Variants in ADGRA2 observed in about 807,000 individuals in gnomAD.
The protein encoded by ADGRA2 is G-protein coupled receptor 124.
Under a neutral mutation model 98.7 loss-of-function variants are expected in ADGRA2, and 61 were observed. The observed-to-expected ratio is 0.62, with a 90% confidence interval of 0.50 to 0.76. The LOEUF (loss-of-function observed/expected upper bound fraction) is 0.76, where lower values mean the gene tolerates loss of function less well. ADGRA2 is among the 30% of genes least tolerant of loss of function. ADGRA2 has a pLI of 0.00. For synonymous variants in ADGRA2, 858 were observed against 831.5 expected, an observed-to-expected ratio of 1.03 and a Z score of -0.55; for missense variants, 1,712 against 1,860.0, an observed-to-expected ratio of 0.92 and a Z score of 1.46.
Position 37,844,373 on chromosome 8 carries a change from G to T in ADGRA2, c.*2018G>T. ...TCCAACTAATGGCAGAGCCCCTCTT[G>T]GTTCCTTCAAACAAGAAAAGCAATA... On this transcript the variant is annotated 3_prime_UTR_variant, in exon 19 of 19. Coordinates refer to ENST00000412232, the MANE Select transcript of ADGRA2 (RefSeq NM_032777.10). The T allele has an allele frequency of 1.5e-6, 2 of 1,377,924 alleles. No individual in the cohort carries two copies. The highest frequency in any genetic ancestry group is 2.0e-6 in the Non-Finnish European group (2 of 1,003,392). The allele number at this position is 1,377,924 out of a possible 1,614,324, so 85.4% of individuals were successfully genotyped here. A position where few individuals can be genotyped will look rare whatever the true frequency, so the allele number is the denominator to read the frequency against.
intron 1 of ADGRA2, among the ~76,000 whole-genome samples, chr8:37,809,105 G>T (rs1258042534): frequency 6.6e-6 from 1 of 152,146 alleles, no homozygotes; most frequent in South Asian, 2.1e-4. Context: ...TTATAGGCAT[G>T]AGCCACCGCA....
Position 37,841,417 on chromosome 8 carries a change from T to C in ADGRA2, c.3079T>C (p.Phe1027Leu). ...VQLGALVTTHFLYLAMWACGA... is the reference protein window; with the variant it reads ...VQLGALVTTHLLYLAMWACGA... ...GCTAGGGGCGCTGGTGACCACGCACTTCCTGTACTTGGCCATGTGGGCCTG... is the reference window on the plus strand; with the variant it reads ...GCTAGGGGCGCTGGTGACCACGCACCTCCTGTACTTGGCCATGTGGGCCTG... Residue 1027 changes from phenylalanine to leucine, a missense_variant, in exon 19 of 19, where the codon TTC becomes CTC. Transcript: ENST00000412232. The surrounding 1 kb of genome is among the most constrained non-coding windows in gnomAD (Gnocchi z 5.0). The C allele has an allele frequency of 6.2e-7, 1 of 1,613,034 alleles. No homozygotes were observed. The highest frequency in any genetic ancestry group is 1.1e-5 in the South Asian group (1 of 90,988).
In ADGRA2 at chr8:37,831,511, G is replaced by A. The variant is rs780413544; in HGVS notation, c.1021G>A (p.Val341Met). Residue 341 changes from valine (V) to methionine (M), a missense_variant, in exon 8 of 19, where the codon GTG becomes ATG. Physicochemically the swap from Val to Met is conservative, Grantham distance 21. Transcript: ENST00000412232. ...SMAQGNASKK[V>M]EIVVLETSAS... ...GGCCCAAGGCAACGCCAGCAAGAAGGTGGAGATCGTGGTGCTGGAGACCTC... is the reference window on the plus strand; with the variant it reads ...GGCCCAAGGCAACGCCAGCAAGAAGATGGAGATCGTGGTGCTGGAGACCTC... The A allele has an allele frequency of 3.5e-5, 57 of 1,613,812 alleles. No homozygotes were observed. The highest frequency in any genetic ancestry group is 4.6e-5 in the Non-Finnish European group (54 of 1,180,030).
At chr8:37,833,926 A>G in intron 10 of ADGRA2, 41 bp from the exon 11 acceptor site, 1 of 1,606,044 alleles carries the variant, frequency 6.2e-7, no homozygotes. Context: ...CCTGGGTCCC[A>G]AACCCCGCCC....
intron 1 of ADGRA2, among the ~76,000 whole-genome samples, chr8:37,804,134 C>CACACACACACACAT (rs1563337101): frequency 6.6e-6 from 1 of 151,072 alleles, no homozygotes; most frequent in African/African-American, 2.4e-5. Flanking sequence ...CACACACACA[C>CACACACACACACAT]ACACACACAC....
intron 1 of ADGRA2, among the ~76,000 whole-genome samples, chr8:37,806,750 G>A (rs554961717): frequency 2.0e-5 from 3 of 151,868 alleles, no homozygotes; most frequent in East Asian, 1.9e-4. Flanking sequence ...GGCTGGTCTC[G>A]AACTCCTGAC....
intron 1 of ADGRA2, among the ~76,000 whole-genome samples, chr8:37,806,385 C>A (rs1326729147): frequency 6.6e-6 from 1 of 152,064 alleles, no homozygotes; most frequent in Non-Finnish European, 1.5e-5. Flanking sequence ...GATGCTGTGA[C>A]CCCCAAATCC....
Position 37,842,291 on chromosome 8 carries a change from G to T in ADGRA2, c.3953G>T (p.Gly1318Val). 6.4e-7 allele frequency: 1 copy of T among 1,564,960 alleles called. No homozygotes were observed. The highest frequency in any genetic ancestry group is 8.6e-7 in the Non-Finnish European group (1 of 1,160,896). ...AAGTACGACGACGTCACCCTGATGG[G>T]CGCGGAGGTAGCCAGCGGCGGCTGC... ...GGKYDDVTLMGAEVASGGCMK... is the reference protein window; with the variant it reads ...GGKYDDVTLMVAEVASGGCMK... Residue 1318 changes from glycine to valine, a missense_variant, in exon 19 of 19, where the codon GGC becomes GTC. Transcript: ENST00000412232.
Position 37,833,708 on chromosome 8 carries a change from T to G in ADGRA2, c.1317T>G (p.Asn439Lys). ...TFVLMPINAS[N>K]ALTLAHQLRV... Reference sequence around the variant, plus strand: ...CCCAGATGCCCATCAATGCCTCCAATGCGCTGACCCTGGCTCACCAGCTGC... The same window carrying G: ...CCCAGATGCCCATCAATGCCTCCAAGGCGCTGACCCTGGCTCACCAGCTGC... The change falls in exon 10 of 19, where the codon AAT (asparagine) becomes AAG (lysine). Residue 439 changes from asparagine to lysine, a missense_variant. By Grantham distance (94) the Asn-to-Lys change is moderately conservative (BLOSUM62 0). Transcript: ENST00000412232. The G allele has an allele frequency of 1.2e-6, 2 of 1,614,156 alleles. No homozygotes were observed. The highest frequency in any genetic ancestry group is 1.7e-6 in the Non-Finnish European group (2 of 1,180,004).
intron 2 of ADGRA2, among the ~76,000 whole-genome samples, chr8:37,821,775 A>G (rs555516779): frequency 4.1e-4 from 62 of 152,340 alleles, no homozygotes; most frequent in African/African-American, 1.5e-3. Flanking sequence ...AATGAGATTA[A>G]TGAGCCCCGG....
At chr8:37,838,240 C>T (rs1190420115) in intron 14 of ADGRA2, among the ~76,000 whole-genome samples, 1 of 144,794 alleles carries the variant, frequency 6.9e-6, no homozygotes, top group African/African-American at 2.6e-5. Flanking sequence ...CCTGCACTTT[C>T]TGAGACCAGA....
In ADGRA2 at chr8:37,843,494, A is replaced by C. The variant is rs1805877540; in HGVS notation, c.*1139A>C. 1 of 152,122 alleles carries C rather than the reference A, an allele frequency of 6.6e-6. No homozygotes were observed. The highest frequency in any genetic ancestry group is 1.5e-5 in the Non-Finnish European group (1 of 68,050). 9.4% of individuals were successfully genotyped at this position (152,122 alleles called of 1,614,324 possible). ...GCCTTTACTCCTTTTAAACACCAGC[A>C]CCCGTCTTTTCCCCAACCTAAAACC... On this transcript the variant is annotated 3_prime_UTR_variant, in exon 19 of 19. Transcript: ENST00000412232.
intron 2 of ADGRA2, among the ~76,000 whole-genome samples, chr8:37,821,854 G>A (rs573814661): frequency 1.3e-5 from 2 of 152,306 alleles, no homozygotes; most frequent in East Asian, 1.9e-4. Context: ...CGAAAGTGGC[G>A]GCCTGGGGGT....
chr8:37,836,078 CACACACACACACACACACA>C (rs1563351705), intron 13 of ADGRA2, among the ~76,000 whole-genome samples: 25 of 151,138 alleles, frequency 1.7e-4, no homozygotes, highest in African/African-American at 5.1e-4. Context: ...CACACACACA[CACACACACACACACACACA>C]CCCCACAGGC....
chr8:37,826,832 C>A (rs776668668), intron 2 of ADGRA2, among the ~76,000 whole-genome samples: 1 of 152,056 alleles, frequency 6.6e-6, no homozygotes, highest in Non-Finnish European at 1.5e-5. Flanking sequence ...CCCCCCACCC[C>A]TGACCTCCTC....
chr8:37,806,526 C>CTTTTTTTTTTTTCTTTTTTTTTTTTTT (rs1804669925), intron 1 of ADGRA2, among the ~76,000 whole-genome samples: 1 of 100,356 alleles, frequency 1.0e-5, no homozygotes, highest in African/African-American at 5.1e-5. Context: ...TTTTCTTTTT[C>CTTTTTTTTTTTTCTTTTTTTTTTTTTT]TTTTTTTTTT....
chr8:37,839,201 A>AG, intron 15 of ADGRA2, 118 bp downstream of exon 15: 1 of 1,364,528 alleles, frequency 7.3e-7, no homozygotes, highest in African/African-American at 1.4e-5. Flanking sequence ...GCAATGGGGG[A>AG]GGGACTCCGA....
rs531407655 is a variant in ADGRA2, at chr8:37,805,034, C to A, written c.266+7500C>A. Among the ~76,000 whole-genome samples the A allele has an allele frequency of 4.6e-5, 7 of 152,276 alleles. No individual in the cohort carries two copies. In the East Asian group the frequency reaches 1.3e-3, roughly 29 times the overall value. On this transcript the variant is annotated intron_variant, in intron 1 of 18. Coordinates refer to ENST00000412232, the MANE Select transcript of ADGRA2 (RefSeq NM_032777.10). ...ATGTGACCCCTATGGGTGTGGCATC[C>A]CAGAAAGGCTGTACCGTGGAGCCCG... is the stretch of plus-strand genomic sequence containing the variant.
Position 37,841,341 on chromosome 8 carries a change from G to A in ADGRA2, c.3003G>A (p.Gly1001=), listed in dbSNP as rs1214244720. 1.2e-5 allele frequency: 19 copies of A among 1,605,972 alleles called. No individual in the cohort carries two copies. Among genetic ancestry groups the A allele is most frequent in the Non-Finnish European group, 1.4e-5 (17 of 1,176,676 alleles). The change falls in exon 19 of 19, where the codon GGG becomes GGA. Residue 1001 remains glycine (G), a synonymous_variant. Transcript: ENST00000412232. The surrounding 1 kb of genome is among the most constrained non-coding windows in gnomAD (Gnocchi z 5.0). ...SLLATGSARV[G]TPGPPEDGDS... ...TTGCTACTGGGAGCGCGCGAGTGGG[G>A]ACGCCCGGGCCCCCGGAGGATGGTG... is the stretch of plus-strand genomic sequence containing the variant.
Sources: allele counts gnomAD v4.1 joint callset (sites outside exome capture counted in the v4.1 genomes callset), GRCh38; gene constraint gnomAD v4.1.1; non-coding constraint Gnocchi (gnomAD v3.1); transcripts MANE v1.5; gene names NCBI Gene and HGNC (gene_info 2026-07-23, HGNC 2026-07-21).